ASTN2: variants seen among roughly 807,000 people sequenced by gnomAD.
The protein encoded by ASTN2 is astrotactin 2.
In ASTN2, 54 loss-of-function variants were observed where a neutral mutation model predicts 139.8. The ratio of observed to expected loss-of-function variants is 0.39; its 90% CI spans 0.31 to 0.48. The LOEUF (loss-of-function observed/expected upper bound fraction) is 0.48. Among genes scored for constraint, ASTN2 ranks in the 20% least tolerant of loss-of-function variants. The probability of loss-of-function intolerance (pLI) is 0.95; values close to 1 mark genes in which losing one functional copy is unlikely to be tolerated. For missense variants in ASTN2, 1,565 were observed against 1,725.1 expected, an observed-to-expected ratio of 0.91 and a Z score of 1.64; for synonymous variants, 756 against 719.5, an observed-to-expected ratio of 1.05 and a Z score of -0.81.
chr9:116,476,131 C>G lies in ASTN2; in HGVS notation c.3497+11228G>C, dbSNP rs376426529. On this transcript the variant is annotated intron_variant, in intron 20 of 22. Coordinates refer to ENST00000313400, the MANE Select transcript of ASTN2 (RefSeq NM_001365068.1). ...TGAAGGCTCTTGGAAAGAATCCTTC[C>G]TTGCCACTCTCAGCTTCGGATGGCC... Among the ~76,000 whole-genome samples, 228 of 152,286 alleles carry G rather than the reference C, an allele frequency of 1.5e-3. 1 individual carries two copies. The highest frequency in any genetic ancestry group is 5.8e-3 in the South Asian group (28 of 4,820).
chr9:116,523,768 A>T (rs1850977201), intron 19 of ASTN2, among the ~76,000 whole-genome samples: 1 of 152,096 alleles, frequency 6.6e-6, no homozygotes, highest in Non-Finnish European at 1.5e-5. Context: ...ACCAGCTTCA[A>T]ATATTATTTT....
intron 10 of ASTN2, among the ~76,000 whole-genome samples, chr9:116,944,105 T>TG (rs1341568199): frequency 6.6e-6 from 1 of 151,698 alleles, no homozygotes; most frequent in African/African-American, 2.4e-5. Context: ...AACTACCTTA[T>TG]GGGGAAGTAC....
intron 19 of ASTN2, among the ~76,000 whole-genome samples, chr9:116,500,581 C>A (rs1470132982): frequency 5.3e-5 from 8 of 152,182 alleles, no homozygotes; most frequent in African/African-American, 1.9e-4. Flanking sequence ...ATGCTGATAT[C>A]AAATCTCCTT....
chr9:117,215,917 G>C (rs1327383484), intron 2 of ASTN2, among the ~76,000 whole-genome samples: 1 of 152,182 alleles, frequency 6.6e-6, no homozygotes, highest in Non-Finnish European at 1.5e-5. Context: ...AAAAAATCAA[G>C]AGACCCAGAA....
At chr9:117,289,048 G>A (rs1564128071) in intron 2 of ASTN2, among the ~76,000 whole-genome samples, 1 of 152,164 alleles carries the variant, frequency 6.6e-6, no homozygotes, top group Admixed American at 6.5e-5. Flanking sequence ...TCAAGTCTGT[G>A]CTCCAAGTCT....
rs1461016562 is a variant in ASTN2 at position 116,698,963 on chromosome 9, C to A, written c.2806+26808G>T. The A allele has an allele frequency of 6.2e-7, 1 of 1,614,166 alleles. No homozygotes were observed. Among genetic ancestry groups the A allele is most frequent in the Non-Finnish European group, 8.5e-7 (1 of 1,180,034 alleles). On this transcript the variant is annotated intron_variant, in intron 16 of 22. Transcript: ENST00000313400. This position sits in a 1 kb window ranked among gnomAD's most constrained non-coding sequence, Gnocchi z 4.4. ...CCCGCAAAGGCTTTTTGAAGGAAATCCGCCGCAGCCCCAGTGGCATTGATA... is the reference window on the plus strand; with the variant it reads ...CCCGCAAAGGCTTTTTGAAGGAAATACGCCGCAGCCCCAGTGGCATTGATA...
At chr9:116,972,117 A>C (rs1470559625) in intron 10 of ASTN2, among the ~76,000 whole-genome samples, 1 of 152,242 alleles carries the variant, frequency 6.6e-6, no homozygotes, top group East Asian at 1.9e-4. Context: ...GCCCACTTGT[A>C]GTTCCCCATG....
rs56332042 is a variant in ASTN2 at position 117,192,391 on chromosome 9, G to GAAAAAAA, written c.1015+21960_1015+21966dup. Among the ~76,000 whole-genome samples, 346 of 149,562 alleles carry GAAAAAAA rather than the reference G, an allele frequency of 2.3e-3. 2 individuals are homozygous for GAAAAAAA. The highest frequency in any genetic ancestry group is 5.4e-3 in the African/African-American group (218 of 40,584). ...ATTTGGTTTGTCAATCAGTGGCAAA[G>GAAAAAAA]AAAAAAAAGAAAACTCAATTCTGAA... On this transcript the variant is annotated intron_variant, in intron 3 of 22. Coordinates refer to ENST00000313400, the MANE Select transcript of ASTN2 (RefSeq NM_001365068.1).
At chr9:116,765,291 C>T (rs1459898458) in intron 13 of ASTN2, among the ~76,000 whole-genome samples, 1 of 152,124 alleles carries the variant, frequency 6.6e-6, no homozygotes. Context: ...CAGACAGTTC[C>T]TGGCCCCAGA....
intron 5 of ASTN2, among the ~76,000 whole-genome samples, chr9:117,045,240 A>T (rs1838696988): frequency 7.2e-6 from 1 of 139,786 alleles, no homozygotes; most frequent in Non-Finnish European, 1.5e-5. Flanking sequence ...ACAGAATAAG[A>T]TATCCCATGT....
intron 2 of ASTN2, among the ~76,000 whole-genome samples, chr9:117,285,872 A>ATCATCATGTGGTGATG (rs1834436854): frequency 6.6e-6 from 1 of 152,222 alleles, no homozygotes; most frequent in South Asian, 2.1e-4. Flanking sequence ...CTTCTGAGAG[A>ATCATCATGTGGTGATG]AACATGCCCT....
chr9:117,134,289 TATATATACACAC>T (rs1273915303), intron 4 of ASTN2, among the ~76,000 whole-genome samples: 250 of 81,368 alleles, frequency 3.1e-3, no homozygotes, highest in African/African-American at 7.5e-3. Context: ...TATATATATA[TATATATACACAC>T]ACACACACAC....
chr9:117,067,639 G>C (rs1827992279), intron 5 of ASTN2, among the ~76,000 whole-genome samples: 1 of 145,278 alleles, frequency 6.9e-6, no homozygotes, highest in South Asian at 2.3e-4. Context: ...CTACTCATGA[G>C]CATGGAATGT....
intron 12 of ASTN2, among the ~76,000 whole-genome samples, chr9:116,808,517 G>T (rs1167799751): frequency 6.6e-6 from 1 of 151,968 alleles, no homozygotes; most frequent in Non-Finnish European, 1.5e-5. Context: ...TTTCTTAATG[G>T]TTATTTGGCA....
chr9:116,468,758 C>T (rs1381547042), intron 20 of ASTN2, among the ~76,000 whole-genome samples: 1 of 152,216 alleles, frequency 6.6e-6, no homozygotes, highest in Non-Finnish European at 1.5e-5. Context: ...ATAAAGTCCA[C>T]ACTCCTTAGG....
chr9:117,105,091 C>T (rs1829070723), intron 4 of ASTN2, among the ~76,000 whole-genome samples: 1 of 152,082 alleles, frequency 6.6e-6, no homozygotes, highest in Non-Finnish European at 1.5e-5. Context: ...AATCTCCCAT[C>T]CTGCCTTATC....
rs540061875 is a variant in ASTN2 at position 116,654,206 on chromosome 9, T to G, written c.2807-2413A>C. ...GGCCAAATCCAGTCCCCTTCCAGCT[T>G]GTGTAAATAAAGTTTTATTGGAACA... On this transcript the variant is annotated intron_variant, in intron 16 of 22. Transcript: ENST00000313400. Among the ~76,000 whole-genome samples the G allele has an allele frequency of 2.0e-5, 3 of 152,340 alleles. No individual in the cohort carries two copies. The South Asian group carries it at 6.2e-4, about 32-fold the overall frequency.
At chr9:116,981,782 C>T (rs1239916910) in intron 7 of ASTN2, among the ~76,000 whole-genome samples, 1 of 152,028 alleles carries the variant, frequency 6.6e-6, no homozygotes, top group African/African-American at 2.4e-5. Flanking sequence ...TTTGAAATAC[C>T]CTTAAGTACA....
chr9:117,238,589 T>C (rs1833115663), intron 2 of ASTN2, among the ~76,000 whole-genome samples: 2 of 152,206 alleles, frequency 1.3e-5, no homozygotes, highest in African/African-American at 4.8e-5. Context: ...TTGGCCCTCC[T>C]TTCATTGAGC....
Sources: allele counts gnomAD v4.1 joint callset (sites outside exome capture counted in the v4.1 genomes callset), GRCh38; gene constraint gnomAD v4.1.1; non-coding constraint Gnocchi (gnomAD v3.1); transcripts MANE v1.5; gene names NCBI Gene and HGNC (gene_info 2026-07-23, HGNC 2026-07-21).